COL24A1: variants seen among roughly 807,000 people sequenced by gnomAD.
COL24A1 encodes the protein collagen alpha-1(XXIV) chain.
In COL24A1, 224 loss-of-function variants were observed where a neutral mutation model predicts 253.9. The observed-to-expected ratio is 0.88, with a 90% CI of 0.79 to 0.99. The LOEUF (loss-of-function observed/expected upper bound fraction) is 0.99, where lower values mean the gene tolerates loss of function less well. COL24A1 is among the 50% of genes least tolerant of loss of function. The pLI, the probability that COL24A1 is intolerant of heterozygous loss-of-function variation, is 0.00. For synonymous variants in COL24A1, 685 were observed against 673.7 expected, an observed-to-expected ratio of 1.02 and a Z score of -0.26; for missense variants, 2,131 against 2,068.5, an observed-to-expected ratio of 1.03 and a Z score of -0.59.
chr1:85,910,099 T>C (rs1685223029), intron 25 of COL24A1, 96 bp from the exon 26 acceptor site: 7 of 872,782 alleles, frequency 8.0e-6, no homozygotes, highest in Non-Finnish European at 1.3e-5. Flanking sequence ...TCCAGAATCA[T>C]GTCTTACATG....
chr1:86,042,366 T>G (rs1279047212), intron 12 of COL24A1, among the ~76,000 whole-genome samples: 1 of 152,088 alleles, frequency 6.6e-6, no homozygotes, highest in African/African-American at 2.4e-5. Context: ...CTAATGGCCC[T>G]TATTGAAGAA....
intron 19 of COL24A1, among the ~76,000 whole-genome samples, chr1:85,996,976 T>A (rs1694852628): frequency 6.6e-6 from 1 of 151,394 alleles, no homozygotes; most frequent in African/African-American, 2.4e-5. Context: ...TCACATTCTC[T>A]CTTTCTTCAA....
Position 85,970,209 on chromosome 1 carries a change from T to G in COL24A1, c.2463+18A>C. 1 of 1,561,300 alleles carries G rather than the reference T, an allele frequency of 6.4e-7. No homozygotes were observed. Among genetic ancestry groups the G allele is most frequent in the Non-Finnish European group, 8.6e-7 (1 of 1,156,258 alleles). ...TTCAAGAAAAGCACTTATGGAAAAT[T>G]ATTTATATGATACCTACTCTTGGCC... On this transcript the variant is annotated intron_variant, in intron 22 of 59. Coordinates refer to ENST00000370571, the MANE Select transcript of COL24A1 (RefSeq NM_152890.7).
chr1:85,800,291 A>C (rs1276132519), intron 47 of COL24A1, among the ~76,000 whole-genome samples: 1 of 152,130 alleles, frequency 6.6e-6, no homozygotes, highest in Admixed American at 6.5e-5. Flanking sequence ...AAATGTCTCC[A>C]TTGAGTGGTT....
chr1:85,851,518 T>G (rs1677765183), intron 37 of COL24A1, among the ~76,000 whole-genome samples: 1 of 152,188 alleles, frequency 6.6e-6, no homozygotes, highest in African/African-American at 2.4e-5. Context: ...TATCAGATAT[T>G]GTCAAATTGT....
intron 4 of COL24A1, among the ~76,000 whole-genome samples, chr1:86,113,086 C>T (rs906252215): frequency 6.6e-6 from 1 of 152,214 alleles, no homozygotes; most frequent in African/African-American, 2.4e-5. Context: ...TGGTTACACT[C>T]GATTAATATT....
At chr1:85,971,505 T>A in intron 20 of COL24A1, 112 bp from the exon 21 acceptor site, 2 of 885,232 alleles carry the variant, frequency 2.3e-6, no homozygotes, top group East Asian at 5.6e-5. Context: ...TCATTTCCCA[T>A]TAAGAAGTCC....
At chr1:85,885,038 G>A (rs1333339422) in intron 32 of COL24A1, among the ~76,000 whole-genome samples, 1 of 152,094 alleles carries the variant, frequency 6.6e-6, no homozygotes, top group African/African-American at 2.4e-5. Flanking sequence ...GTAGTTGCCT[G>A]TCTGTCTCTC....
chr1:85,934,515 C>T (rs548569810), intron 24 of COL24A1, among the ~76,000 whole-genome samples: 1 of 152,178 alleles, frequency 6.6e-6, no homozygotes, highest in East Asian at 1.9e-4. Context: ...AGATGAAATG[C>T]ATAACATTTC....
rs552300479 is a variant in COL24A1, at chr1:86,068,409, A to G, written c.1708-4650T>C. Among the ~76,000 whole-genome samples the G allele has an allele frequency of 3.8e-4, 58 of 152,326 alleles. 1 individual carries two copies. The South Asian group carries it at 8.3e-3, about 22-fold the overall frequency. ...ACATTGAACTCAGTGCTTCCCTGGC[A>G]CAGCGGGAGGATTTGGACCAGCCCT... On this transcript the variant is annotated intron_variant, in intron 7 of 59. Transcript: ENST00000370571.
chr1:85,857,769 A>G (rs1225206454), intron 37 of COL24A1, among the ~76,000 whole-genome samples: 1 of 152,182 alleles, frequency 6.6e-6, no homozygotes, highest in Admixed American at 6.5e-5. Flanking sequence ...TAAGCATTCA[A>G]CTGAGTCAGA....
At chr1:85,970,294 A>T (rs1052006121) in intron 21 of COL24A1, 23 bp from the exon 22 acceptor site, 28 of 1,570,322 alleles carry the variant, frequency 1.8e-5, no homozygotes, top group Non-Finnish European at 2.0e-5. Context: ...AAAAGTCAGA[A>T]CATATTATGG....
intron 19 of COL24A1, among the ~76,000 whole-genome samples, chr1:86,005,744 AC>A (rs1695889722): frequency 6.6e-6 from 1 of 152,172 alleles, no homozygotes; most frequent in African/African-American, 2.4e-5. Flanking sequence ...AAAAAGAAAA[AC>A]CATACAGATT....
At chr1:85,754,751 A>C (rs1190516085) in intron 55 of COL24A1, among the ~76,000 whole-genome samples, 1 of 152,080 alleles carries the variant, frequency 6.6e-6, no homozygotes, top group African/African-American at 2.4e-5. Context: ...GTTAACTTGA[A>C]GACAGGTTTA....
At chr1:85,870,511 T>C (rs894583415) in intron 35 of COL24A1, among the ~76,000 whole-genome samples, 3 of 152,214 alleles carry the variant, frequency 2.0e-5, no homozygotes, top group Non-Finnish European at 2.9e-5. Context: ...CAGACCACAG[T>C]GCAATCAAAC....
chr1:86,097,366 C>G (rs1156417177), intron 5 of COL24A1, among the ~76,000 whole-genome samples: 1 of 136,812 alleles, frequency 7.3e-6, no homozygotes, highest in Non-Finnish European at 1.7e-5. Flanking sequence ...TGTTGTTCTT[C>G]TTCTCCTTCT....
chr1:85,904,055 C>T (rs568733035), intron 28 of COL24A1, among the ~76,000 whole-genome samples: 1 of 152,172 alleles, frequency 6.6e-6, no homozygotes, highest in African/African-American at 2.4e-5. Context: ...TAAGCATTTC[C>T]TTGAAAGGGA....
intron 38 of COL24A1, 84 bp downstream of exon 38, chr1:85,849,269 C>T (rs1248107017): frequency 2.2e-6 from 2 of 928,652 alleles, no homozygotes; most frequent in African/African-American, 1.7e-5. Context: ...CTATCTAGTC[C>T]AAATTAAAAA....
chr1:85,839,648 T>C (rs1226529411), intron 42 of COL24A1, among the ~76,000 whole-genome samples: 1 of 152,044 alleles, frequency 6.6e-6, no homozygotes, highest in Non-Finnish European at 1.5e-5. Context: ...GGAGGATCAC[T>C]TAGCCCAGGT....
Sources: allele counts gnomAD v4.1 joint callset (sites outside exome capture counted in the v4.1 genomes callset), GRCh38; gene constraint gnomAD v4.1.1; transcripts MANE v1.5; gene names NCBI Gene and HGNC (gene_info 2026-07-23, HGNC 2026-07-21).